SLC9A7: variants seen among roughly 807,000 people sequenced by gnomAD.
SLC9A7 encodes sodium/hydrogen exchanger 7.
A neutral mutation model predicts 52.6 loss-of-function variants in SLC9A7; 19 were observed. That is an observed-to-expected ratio of 0.36 (90% CI 0.25 to 0.53). The LOEUF is 0.53. SLC9A7 is among the 20% of genes least tolerant of loss of function. SLC9A7 has a pLI of 0.91. For synonymous variants in SLC9A7, 226 were observed against 252.1 expected (o/e 0.90, Z 0.98); for missense variants, 455 against 597.9 (o/e 0.76, Z 2.49).
chrX:46,738,812 T>G (rs1233908777), intron 1 of SLC9A7, among the ~76,000 whole-genome samples: 1 of 109,764 alleles, frequency 9.1e-6, no homozygotes, highest in Non-Finnish European at 1.9e-5. Flanking sequence ...CAAATAGCAT[T>G]GATTCAGAGA....
intron 12 of SLC9A7, among the ~76,000 whole-genome samples, chrX:46,640,231 G>A (rs181750373): frequency 8.9e-6 from 1 of 112,244 alleles, no homozygotes; most frequent in East Asian, 2.8e-4. Context: ...TAAACCAATA[G>A]AGCAGTGCAG....
chrX:46,735,208 T>G (rs893261163), intron 1 of SLC9A7, among the ~76,000 whole-genome samples: 9 of 111,941 alleles, frequency 8.0e-5, no homozygotes, highest in African/African-American at 2.9e-4. Flanking sequence ...TTGTTCCTTT[T>G]TTCCTCTTTT....
In SLC9A7 at chrX:46,603,078, T is replaced by A. The variant is rs1020744581; in HGVS notation, c.*3874A>T. 1.8e-5 allele frequency: 2 copies of A among 111,819 alleles called. No homozygotes were observed. Among genetic ancestry groups the A allele is most frequent in the African/African-American group, 6.5e-5 (2 of 30,780 alleles). 9.2% of individuals were successfully genotyped at this position (111,819 alleles called of 1,213,427 possible). A position where few individuals can be genotyped will look rare whatever the true frequency, so the allele number is the denominator to read the frequency against. On this transcript the variant is annotated 3_prime_UTR_variant, in exon 17 of 17. Coordinates refer to ENST00000616978, the MANE Select transcript of SLC9A7 (RefSeq NM_001257291.2). ...GGCAAGAAAGGGAGACCAGCCTGCA[T>A]TTCCAGCTTCCTAACACACAAAGAA...
chrX:46,698,393 T>G (rs997198015), intron 1 of SLC9A7, among the ~76,000 whole-genome samples: 13 of 111,939 alleles, frequency 1.2e-4, no homozygotes, highest in African/African-American at 4.2e-4. Flanking sequence ...GGCCGACGCT[T>G]AAGGAAAATA....
chrX:46,716,036 G>A (rs1013836037), intron 1 of SLC9A7, among the ~76,000 whole-genome samples: 1 of 111,620 alleles, frequency 9.0e-6, no homozygotes, highest in Non-Finnish European at 1.9e-5. Flanking sequence ...GGCAGGCAGT[G>A]CACATATAGA....
intron 3 of SLC9A7, among the ~76,000 whole-genome samples, chrX:46,678,351 TACC>T (rs1439457577): frequency 1.8e-5 from 2 of 111,514 alleles, no homozygotes; most frequent in African/African-American, 6.5e-5. Context: ...CAGACAATAT[TACC>T]ACAATGGGAG....
intron 1 of SLC9A7, among the ~76,000 whole-genome samples, chrX:46,755,240 T>C (rs1463506393): frequency 9.0e-6 from 1 of 111,529 alleles, no homozygotes; most frequent in African/African-American, 3.3e-5. Flanking sequence ...ATGGGGTCTA[T>C]TTGTGCACAT....
At chrX:46,686,468 C>T (rs1481497567) in intron 1 of SLC9A7, among the ~76,000 whole-genome samples, 2 of 111,788 alleles carry the variant, frequency 1.8e-5, no homozygotes, top group African/African-American at 3.3e-5. Context: ...GATATTAGAA[C>T]TGCAGGAAGG....
At chrX:46,630,385 C>G (rs1258298777) in intron 14 of SLC9A7, among the ~76,000 whole-genome samples, 4 of 112,149 alleles carry the variant, frequency 3.6e-5, no homozygotes, top group Admixed American at 9.4e-5. Context: ...GGACAACATA[C>G]ACAGGTGGTC....
Position 46,601,581 on chromosome X carries a change from G to T in SLC9A7, c.*5371C>A. On this transcript the variant is annotated 3_prime_UTR_variant, in exon 17 of 17. Coordinates refer to ENST00000616978, the MANE Select transcript of SLC9A7 (RefSeq NM_001257291.2). ...GAGAACACAGCCTGAAGAGATCCTTGCTGTTTGCTTGATGAAACATTTGAT... is the reference window on the plus strand; with the variant it reads ...GAGAACACAGCCTGAAGAGATCCTTTCTGTTTGCTTGATGAAACATTTGAT... 1 of 112,720 alleles carries T rather than the reference G, an allele frequency of 8.9e-6. No individual in the cohort carries two copies. Among genetic ancestry groups the T allele is most frequent in the Non-Finnish European group, 1.9e-5 (1 of 53,328 alleles). 9.3% of individuals were successfully genotyped at this position (112,720 alleles called of 1,213,427 possible). A position where few individuals can be genotyped will look rare whatever the true frequency, so the allele number is the denominator to read the frequency against.
intron 1 of SLC9A7, chrX:46,725,472 A>G: frequency 8.6e-6 from 9 of 1,044,680 alleles, no homozygotes; most frequent in Non-Finnish European, 1.2e-5. Context: ...TGCCTTCTTC[A>G]TTTCCTTTAC....
chrX:46,599,747 A>G lies in SLC9A7; in HGVS notation c.*7205T>C, dbSNP rs1278980142. The G allele has an allele frequency of 8.9e-6, 1 of 111,933 alleles. No individual in the cohort carries two copies. Among genetic ancestry groups the G allele is most frequent in the African/African-American group, 3.2e-5 (1 of 30,819 alleles). 9.2% of individuals were successfully genotyped at this position (111,933 alleles called of 1,213,427 possible). A position where few individuals can be genotyped will look rare whatever the true frequency, so the allele number is the denominator to read the frequency against. On this transcript the variant is annotated 3_prime_UTR_variant, in exon 17 of 17. Coordinates refer to ENST00000616978, the MANE Select transcript of SLC9A7 (RefSeq NM_001257291.2). ...TTTAATGTCATTTTATATAACGTTTATTTATATAACATACTATAATGTTAA... is the reference window on the plus strand; with the variant it reads ...TTTAATGTCATTTTATATAACGTTTGTTTATATAACATACTATAATGTTAA...
In SLC9A7 at chrX:46,662,116, G is replaced by T; in HGVS notation, c.941C>A (p.Ala314Asp). Residue 314 changes from alanine (A) to aspartate (D), a missense_variant, in exon 7 of 17, where the codon GCC becomes GAC. Ala to Asp is a moderately radical substitution (Grantham distance 126). Transcript: ENST00000616978. ...CTTAAAAAAGGCAGCAGCATCAAAG[G>T]CGTGAGTGTTCAGTCCCGCTGGCTG... ...AYQPAGLNTH[A>D]FDAAAFFKSV... The T allele has an allele frequency of 8.3e-7, 1 of 1,209,908 alleles. No individual in the cohort carries two copies. The highest frequency in any genetic ancestry group is 1.1e-6 in the Non-Finnish European group (1 of 894,256).
At chrX:46,755,499 A>C (rs1556291515) in intron 1 of SLC9A7, among the ~76,000 whole-genome samples, 1 of 111,048 alleles carries the variant, frequency 9.0e-6, no homozygotes, top group African/African-American at 3.3e-5. Context: ...AAATAGGGAG[A>C]AGTAGGCGTC....
intron 1 of SLC9A7, among the ~76,000 whole-genome samples, chrX:46,731,815 A>G (rs1037729750): frequency 6.4e-5 from 7 of 109,340 alleles, no homozygotes; most frequent in African/African-American, 2.0e-4. Context: ...AGCCCATGGG[A>G]AAAAAAATAG....
Position 46,672,819 on chromosome X carries a change from A to C in SLC9A7, c.604-192T>G, listed in dbSNP as rs115396004. On this transcript the variant is annotated intron_variant, in intron 3 of 16. Coordinates refer to ENST00000616978, the MANE Select transcript of SLC9A7 (RefSeq NM_001257291.2). ...CATGGTTTTAAGTTATCTTCTATAC[A>C]GCCAGGTACTGAGCAAGTAAGCAAG... Among the ~76,000 whole-genome samples, 723 of 112,684 alleles carry C rather than the reference A, an allele frequency of 6.4e-3. 7 individuals carry two copies. The highest frequency in any genetic ancestry group is 0.022 in the African/African-American group (692 of 31,100).
intron 4 of SLC9A7, among the ~76,000 whole-genome samples, chrX:46,671,124 T>A (rs1190463271): frequency 1.8e-5 from 2 of 112,109 alleles, no homozygotes; most frequent in Admixed American, 1.9e-4. Context: ...TTAATAAAAA[T>A]CCTAACTTTA....
At chrX:46,619,165 C>T (rs1032972551) in intron 15 of SLC9A7, among the ~76,000 whole-genome samples, 1 of 111,693 alleles carries the variant, frequency 9.0e-6, no homozygotes, top group Non-Finnish European at 1.9e-5. Flanking sequence ...GTGCTCAACC[C>T]TATCAGTCAT....
At position 46,599,836 on chromosome X, in the gene SLC9A7, C is replaced by T. The variant is rs1323287253; in HGVS notation, c.*7116G>A. ...TAGAAGACAAAATTCTCCCCAATTA[C>T]ACTATGTAAGCTCTCTATAAAAAGT... On this transcript the variant is annotated 3_prime_UTR_variant, in exon 17 of 17. Coordinates refer to ENST00000616978, the MANE Select transcript of SLC9A7 (RefSeq NM_001257291.2). 2 of 112,249 alleles carry T rather than the reference C, an allele frequency of 1.8e-5. No homozygotes were observed. The highest frequency in any genetic ancestry group is 6.5e-5 in the African/African-American group (2 of 30,886). 9.3% of individuals were successfully genotyped at this position (112,249 alleles called of 1,213,427 possible).
Sources: gnomAD v4.1 joint callset for allele counts (sites outside exome capture counted in the v4.1 genomes callset) on GRCh38, gnomAD v4.1.1 for gene constraint, MANE v1.5 for transcripts, NCBI Gene and HGNC (gene_info 2026-07-23, HGNC 2026-07-21) for gene names.